TSGA10: variants seen among roughly 807,000 people sequenced by gnomAD.
TSGA10 encodes the protein testis-specific gene 10 protein.
TSGA10 carries 43 observed loss-of-function variants against 96.6 expected under a neutral mutation model. The ratio of observed to expected loss-of-function variants is 0.44; its 90% CI spans 0.35 to 0.57. The LOEUF is 0.57. TSGA10 is among the 20% of genes least tolerant of loss of function. TSGA10 has a pLI of 0.01. For synonymous variants in TSGA10, 229 were observed against 269.9 expected (o/e 0.85, Z 1.48); for missense variants, 703 against 834.4 (o/e 0.84, Z 1.94).
chr2:99,054,127 C>T (rs748830762), intron 16 of TSGA10, among the ~76,000 whole-genome samples: 5 of 152,028 alleles, frequency 3.3e-5, no homozygotes, highest in Non-Finnish European at 7.4e-5. Context: ...TTTCAAAATA[C>T]TACAAAACAA....
At chr2:99,035,580 A>G (rs2081543510) in intron 16 of TSGA10, 141 bp from the exon 17 acceptor site, 1 of 518,526 alleles carries the variant, frequency 1.9e-6, no homozygotes, top group Non-Finnish European at 3.3e-6. Context: ...AGGTGGTAAC[A>G]ATATGTACAA....
chr2:99,065,201 G>A, intron 15 of TSGA10, 77 bp from the exon 16 acceptor site: 3 of 1,485,738 alleles, frequency 2.0e-6, no homozygotes, highest in Non-Finnish European at 2.7e-6. Flanking sequence ...CCAAGTCATT[G>A]GGAATTCACT....
intron 10 of TSGA10, among the ~76,000 whole-genome samples, chr2:99,085,447 A>T (rs1463277023): frequency 1.9e-4 from 29 of 151,406 alleles, no homozygotes; most frequent in Admixed American, 3.9e-4. Context: ...CTCTATAAAA[A>T]TTTTTTTAAA....
At chr2:99,025,008 C>T (rs1190745985) in intron 17 of TSGA10, among the ~76,000 whole-genome samples, 2 of 152,006 alleles carry the variant, frequency 1.3e-5, no homozygotes, top group Non-Finnish European at 2.9e-5. Flanking sequence ...GTGTAAATTT[C>T]GTTTTATGTG....
intron 17 of TSGA10, among the ~76,000 whole-genome samples, chr2:99,033,964 G>A (rs944602252): frequency 6.6e-6 from 1 of 152,176 alleles, no homozygotes; most frequent in African/African-American, 2.4e-5. Context: ...CTCCCAGTTG[G>A]TGTATGATCA....
chr2:99,090,691 G>T (rs147954584), intron 10 of TSGA10, among the ~76,000 whole-genome samples: 1,628 of 152,182 alleles, frequency 0.011, 9 homozygotes, highest in Middle Eastern at 0.027. Flanking sequence ...TTGAAGACAA[G>T]ATTTTCAAAA....
At chr2:99,038,933 A>T (rs2081925680) in intron 16 of TSGA10, among the ~76,000 whole-genome samples, 1 of 152,276 alleles carries the variant, frequency 6.6e-6, no homozygotes, top group East Asian at 1.9e-4. Flanking sequence ...AATTTATATC[A>T]AGTATCTTCT....
intron 1 of TSGA10, chr2:99,141,286 A>C (rs1349200408): frequency 1.4e-5 from 8 of 586,276 alleles, no homozygotes; most frequent in African/African-American, 2.1e-5. Flanking sequence ...CGCGGGAAGG[A>C]GGAGGGGGCG....
chr2:99,154,354 T>A (rs1285300726), intron 1 of TSGA10: 1 of 152,264 alleles, frequency 6.6e-6, no homozygotes, highest in Non-Finnish European at 1.5e-5. Context: ...TCTTGCCAAC[T>A]GCAGTGAGTT....
intron 18 of TSGA10, among the ~76,000 whole-genome samples, 196 bp from the exon 19 acceptor site, chr2:99,018,836 A>C (rs2079760430): frequency 6.6e-6 from 1 of 152,186 alleles, no homozygotes. Context: ...CCTACTTGAA[A>C]AGCCTAAGCA....
chr2:99,022,522 G>A (rs1462808396), intron 17 of TSGA10, among the ~76,000 whole-genome samples: 12 of 151,952 alleles, frequency 7.9e-5, no homozygotes, highest in Non-Finnish European at 1.8e-4. Flanking sequence ...TGTTTTAGCA[G>A]GATCAAAACT....
At chr2:99,024,722 T>C (rs554291187) in intron 17 of TSGA10, among the ~76,000 whole-genome samples, 1 of 152,316 alleles carries the variant, frequency 6.6e-6, no homozygotes, top group East Asian at 1.9e-4. Flanking sequence ...CTTGTCTTGA[T>C]ACTGATCTTA....
intron 15 of TSGA10, among the ~76,000 whole-genome samples, chr2:99,067,060 A>C (rs2085338155): frequency 6.6e-6 from 1 of 152,230 alleles, no homozygotes; most frequent in Non-Finnish European, 1.5e-5. Flanking sequence ...AATAGGGTTC[A>C]AAGAAGGTCT....
intron 4 of TSGA10, chr2:99,117,287 A>C (rs2092328205): frequency 6.6e-6 from 1 of 152,542 alleles, no homozygotes; most frequent in Admixed American, 6.5e-5. Context: ...AGCAACATTT[A>C]GTTCACGGAA....
At chr2:99,130,010 C>T (rs2093003523) in intron 1 of TSGA10, among the ~76,000 whole-genome samples, 1 of 152,140 alleles carries the variant, frequency 6.6e-6, no homozygotes, top group African/African-American at 2.4e-5. Flanking sequence ...TGTATATGTG[C>T]CACATTTTCT....
At chr2:99,108,049 T>C (rs11683188) in intron 7 of TSGA10, among the ~76,000 whole-genome samples, 77,273 of 152,028 alleles carry the variant, frequency 0.51, 21,569 homozygotes, top group Middle Eastern at 0.7. Context: ...AGAAACTCCA[T>C]TCATTTTTCA....
chr2:99,000,769 T>G (rs1427337298), intron 20 of TSGA10, among the ~76,000 whole-genome samples: 1 of 152,056 alleles, frequency 6.6e-6, no homozygotes, highest in East Asian at 1.9e-4. Context: ...ACACTCCCAC[T>G]CTACTACTGT....
intron 2 of TSGA10, chr2:99,125,597 A>C (rs552374337): frequency 3.3e-5 from 5 of 152,186 alleles, no homozygotes; most frequent in African/African-American, 1.2e-4. Flanking sequence ...TGCCTTTTTT[A>C]AAAATTGAGA....
At chr2:99,006,336 T>G (rs1249127123) in intron 20 of TSGA10, among the ~76,000 whole-genome samples, 2 of 152,042 alleles carry the variant, frequency 1.3e-5, no homozygotes, top group Non-Finnish European at 1.5e-5. Context: ...CAAAAGAAAC[T>G]ACCATCAGAG....
Sources: allele counts gnomAD v4.1 joint callset (sites outside exome capture counted in the v4.1 genomes callset), GRCh38; gene constraint gnomAD v4.1.1; transcripts MANE v1.5; gene names NCBI Gene and HGNC (gene_info 2026-07-23, HGNC 2026-07-21).